The following CSMD1 variants were observed in gnomAD, a reference collection of about 807,000 sequenced individuals.
CSMD1 encodes the protein CUB and sushi domain-containing protein 1.
A neutral mutation model predicts 417.5 loss-of-function variants in CSMD1; 213 were observed. The ratio of observed to expected loss-of-function variants is 0.51; its 90% CI spans 0.46 to 0.57. CSMD1 has a LOEUF of 0.57. CSMD1 is among the 20% of genes least tolerant of loss of function. The pLI, the probability that CSMD1 is intolerant of heterozygous loss-of-function variation, is 0.00. For synonymous variants in CSMD1, 2,862 were observed against 1,736.8 expected (o/e 1.65, Z -16.11); for missense variants, 6,923 against 4,529.7 (o/e 1.53, Z -15.17).
At chr8:3,992,968 T>C (rs1047209130) in intron 5 of CSMD1, among the ~76,000 whole-genome samples, 2 of 152,154 alleles carry the variant, frequency 1.3e-5, no homozygotes, top group Non-Finnish European at 2.9e-5. Flanking sequence ...CAAAGAAAGA[T>C]GGAAACGGCC....
chr8:4,445,608 C>T (rs865878343), intron 2 of CSMD1, among the ~76,000 whole-genome samples: 1 of 152,086 alleles, frequency 6.6e-6, no homozygotes, highest in Non-Finnish European at 1.5e-5. Context: ...ACTGTGTGTT[C>T]AGAGTCGAAC....
rs552576100 is a variant in CSMD1, at chr8:3,247,862, G to T, written c.4154-17631C>A. On this transcript the variant is annotated intron_variant, in intron 26 of 69. Transcript: ENST00000635120. ...TTAGGCAATGTCAATAATTCACAAG[G>T]GGGGAGCAGGATCTCCATGGAATCC... 3.9e-5 allele frequency among the ~76,000 whole-genome samples: 6 copies of T among 152,156 alleles called. 1 individual carries two copies. The highest frequency in any genetic ancestry group is 7.3e-5 in the Non-Finnish European group (5 of 68,040).
intron 57 of CSMD1, among the ~76,000 whole-genome samples, chr8:2,970,558 A>G (rs974232271): frequency 6.6e-6 from 1 of 152,242 alleles, no homozygotes; most frequent in Non-Finnish European, 1.5e-5. Context: ...TCACTTATTG[A>G]CATCCAGCCC....
intron 2 of CSMD1, among the ~76,000 whole-genome samples, chr8:4,547,153 T>C: frequency 6.6e-6 from 1 of 152,164 alleles, no homozygotes; most frequent in Non-Finnish European, 1.5e-5. Context: ...TCAGACCTGC[T>C]GTTTTCTGTC....
intron 1 of CSMD1, among the ~76,000 whole-genome samples, chr8:4,742,701 A>C (rs923886644): frequency 6.6e-6 from 1 of 152,176 alleles, no homozygotes; most frequent in Non-Finnish European, 1.5e-5. Context: ...GGTTGGTTTT[A>C]TTAAAGATGC....
intron 48 of CSMD1, among the ~76,000 whole-genome samples, chr8:3,088,482 A>G (rs1814698045): frequency 6.6e-6 from 1 of 152,184 alleles, no homozygotes; most frequent in African/African-American, 2.4e-5. Flanking sequence ...CCTTGGAAAT[A>G]CATTCAGAAG....
At chr8:3,449,795 G>A (rs1477533771) in intron 12 of CSMD1, among the ~76,000 whole-genome samples, 6 of 152,256 alleles carry the variant, frequency 3.9e-5, no homozygotes, top group East Asian at 3.9e-4. Context: ...CAGCATTACA[G>A]GCATGAGCCA....
At chr8:4,446,936 TA>T (rs74569596) in intron 2 of CSMD1, among the ~76,000 whole-genome samples, 2,542 of 141,750 alleles carry the variant, frequency 0.018, 40 homozygotes, top group Middle Eastern at 0.062. Context: ...CGTGTTTATT[TA>T]AAAAAAAAAA....
intron 3 of CSMD1, among the ~76,000 whole-genome samples, chr8:4,350,552 T>A (rs993380307): frequency 2.0e-5 from 3 of 152,204 alleles, no homozygotes; most frequent in African/African-American, 4.8e-5. Flanking sequence ...GCTAATGTCC[T>A]GATTCCACAT....
intron 5 of CSMD1, among the ~76,000 whole-genome samples, chr8:3,798,314 A>G (rs777533705): frequency 1.3e-5 from 2 of 152,012 alleles, no homozygotes; most frequent in Non-Finnish European, 2.9e-5. Context: ...TGCTTCGTCT[A>G]TCTTAAGACA....
At chr8:3,453,102 CAT>C (rs1815858016) in intron 12 of CSMD1, among the ~76,000 whole-genome samples, 1 of 152,154 alleles carries the variant, frequency 6.6e-6, no homozygotes, top group African/African-American at 2.4e-5. Context: ...AGTTCTTTTG[CAT>C]AGAGGTGGTT....
intron 11 of CSMD1, among the ~76,000 whole-genome samples, chr8:3,476,132 C>G (rs532911916): frequency 6.6e-6 from 1 of 152,132 alleles, no homozygotes; most frequent in Non-Finnish European, 1.5e-5. Flanking sequence ...TATTTGAGTC[C>G]AGGAGTTCAA....
At chr8:3,653,666 C>G (rs561488733) in intron 7 of CSMD1, among the ~76,000 whole-genome samples, 3 of 152,094 alleles carry the variant, frequency 2.0e-5, no homozygotes, top group African/African-American at 7.2e-5. Flanking sequence ...TAAGGGCCAG[C>G]TTTTTACAGC....
At chr8:4,083,768 G>A (rs1800271409) in intron 3 of CSMD1, among the ~76,000 whole-genome samples, 1 of 152,110 alleles carries the variant, frequency 6.6e-6, no homozygotes, top group Non-Finnish European at 1.5e-5. Flanking sequence ...TACCATTCAG[G>A]ACATAGGCAT....
intron 3 of CSMD1, among the ~76,000 whole-genome samples, chr8:4,411,908 C>G: frequency 6.6e-6 from 1 of 151,942 alleles, no homozygotes; most frequent in East Asian, 1.9e-4. Context: ...GAGGTCAATA[C>G]ACATAGGACT....
intron 21 of CSMD1, among the ~76,000 whole-genome samples, chr8:3,357,192 G>C (rs569416517): frequency 6.6e-6 from 1 of 152,186 alleles, no homozygotes; most frequent in African/African-American, 2.4e-5. Context: ...GAAAAATCAG[G>C]AAACTGCAGG....
At chr8:3,348,635 A>T (rs1238617131) in intron 21 of CSMD1, among the ~76,000 whole-genome samples, 1 of 152,228 alleles carries the variant, frequency 6.6e-6, no homozygotes. Flanking sequence ...GAATCTAACG[A>T]CAGACCAAAC....
At chr8:3,928,678 T>G (rs1466826301) in intron 5 of CSMD1, among the ~76,000 whole-genome samples, 5 of 150,440 alleles carry the variant, frequency 3.3e-5, no homozygotes, top group Admixed American at 6.6e-5. Context: ...TATAGATTTT[T>G]TTTTAAATTG....
chr8:4,348,237 T>G (rs926036411), intron 3 of CSMD1, among the ~76,000 whole-genome samples: 3 of 152,132 alleles, frequency 2.0e-5, no homozygotes, highest in Admixed American at 1.3e-4. Flanking sequence ...GCATACTAAG[T>G]GCTCTTGACT....
Sources: gnomAD v4.1 joint callset for allele counts (sites outside exome capture counted in the v4.1 genomes callset) on GRCh38, gnomAD v4.1.1 for gene constraint, MANE v1.5 for transcripts, NCBI Gene and HGNC (gene_info 2026-07-23, HGNC 2026-07-21) for gene names.